CLN3: variants seen among roughly 807,000 people sequenced by gnomAD.
CLN3 encodes the protein battenin.
CLN3 carries 49 observed loss-of-function variants against 60.7 expected under a neutral mutation model. The observed-to-expected ratio is 0.81, with a 90% CI of 0.64 to 1.02. The LOEUF is 1.02. Ranked by LOEUF, CLN3 falls within the 50% of genes least tolerant of loss-of-function variation. CLN3 has a pLI of 0.00. For missense variants in CLN3, 516 were observed against 557.4 expected (o/e 0.93, Z 0.75); for synonymous variants, 256 against 245.8 (o/e 1.04, Z -0.39).
chr16:28,491,211 A>G (rs2046308118), intron 3 of CLN3: 1 of 509,638 alleles, frequency 2.0e-6, no homozygotes, highest in Admixed American at 3.6e-5. Context: ...TTTTAAAAAT[A>G]TGTGCACTAA....
downstream of CLN3, among the ~76,000 whole-genome samples, chr16:28,473,711 G>A (rs562335197): frequency 3.4e-3 from 514 of 152,312 alleles, 4 homozygotes; most frequent in African/African-American, 0.012. Context: ...TAGAATATAT[G>A]AAGAAATCTT....
In CLN3 at chr16:28,482,397, A is replaced by T; in HGVS notation, c.907-15T>A. ...AGGAGTTCAAACTGCAACAAATACCAGACAGGGGAGATGGACGGGGCTGTG... is the reference window on the plus strand; with the variant it reads ...AGGAGTTCAAACTGCAACAAATACCTGACAGGGGAGATGGACGGGGCTGTG... On this transcript the variant is annotated splice_polypyrimidine_tract_variant and intron_variant, in intron 12 of 15. Transcript: ENST00000636147. 6 of 1,614,094 alleles carry T rather than the reference A, an allele frequency of 3.7e-6. No homozygotes were observed. Among genetic ancestry groups the T allele is most frequent in the Non-Finnish European group, 4.2e-6 (5 of 1,179,992 alleles).
intron 14 of CLN3, among the ~76,000 whole-genome samples, chr16:28,478,749 G>A (rs1205769646): frequency 2.0e-5 from 3 of 151,834 alleles, no homozygotes; most frequent in African/African-American, 7.3e-5. Flanking sequence ...GGGCTGTCCT[G>A]TATATGGCAG....
downstream of CLN3, chr16:28,470,522 ACCGGGG>A: frequency 1.3e-6 from 1 of 752,510 alleles, no homozygotes; most frequent in Non-Finnish European, 1.9e-6. Context: ...GGGGACGGGG[ACCGGGG>A]CCGGATCTGA....
chr16:28,487,872 G>C (rs974711753), intron 5 of CLN3, 131 bp from the exon 6 acceptor site: 3 of 730,060 alleles, frequency 4.1e-6, no homozygotes, highest in Non-Finnish European at 7.4e-6. Flanking sequence ...AGGCACGCCT[G>C]GGTTCAAGTC....
downstream of CLN3, chr16:28,475,891 T>G (rs924664154): frequency 6.7e-6 from 1 of 148,854 alleles, no homozygotes; most frequent in Admixed American, 6.7e-5. Flanking sequence ...TCAGTTTTTT[T>G]GTTTTTTTTT....
chr16:28,473,759 A>G (rs1430375155), downstream of CLN3, among the ~76,000 whole-genome samples: 3 of 152,170 alleles, frequency 2.0e-5, no homozygotes, highest in Non-Finnish European at 2.9e-5. Context: ...GCTCTTTAAT[A>G]AAAAAAGACA....
In CLN3 at chr16:28,485,134, G is replaced by A. The variant is rs940348291; in HGVS notation, c.678-1016C>T. Among the ~76,000 whole-genome samples, 5 of 151,050 alleles carry A rather than the reference G, an allele frequency of 3.3e-5. No homozygotes were observed. The South Asian group carries it at 6.3e-4, about 19-fold the overall frequency. The stretch of plus-strand genomic sequence containing the variant: ...TAATTTTTGTATTTTTAGTAGAGAC[G>A]GGGTTTCACCATATTGGCCAGGCTG... On this transcript the variant is annotated intron_variant, in intron 9 of 15. Transcript: ENST00000636147.
chr16:28,472,475 A>C (rs1033691679), downstream of CLN3, among the ~76,000 whole-genome samples: 1 of 152,174 alleles, frequency 6.6e-6, no homozygotes, highest in East Asian at 1.9e-4. Flanking sequence ...GTATCACACC[A>C]CCTGCAAAAA....
At position 28,487,738 on chromosome 16, in the gene CLN3, C is replaced by T; in HGVS notation, c.298G>A (p.Val100Met). Residue 100 changes from valine (V) to methionine (M), a missense_variant, in exon 6 of 16, where the codon GTG becomes ATG. By Grantham distance (21) the Val-to-Met change is conservative (BLOSUM62 1). Transcript: ENST00000636147. ...GTGGGGAGGATGTCCGCCAGGAGCACAGCCTGGGACAGGAGAATAGAGTGA... is the reference window on the plus strand; with the variant it reads ...GTGGGGAGGATGTCCGCCAGGAGCATAGCCTGGGACAGGAGAATAGAGTGA... ...FDCNSVSTAA[V>M]LLADILPTLV... 6.2e-7 allele frequency: 1 copy of T among 1,612,578 alleles called. No homozygotes were observed. Among genetic ancestry groups the T allele is most frequent in the Non-Finnish European group, 8.5e-7 (1 of 1,179,172 alleles).
chr16:28,490,681 A>ACCTG (rs1448934686), intron 3 of CLN3, among the ~76,000 whole-genome samples: 3 of 146,656 alleles, frequency 2.0e-5, no homozygotes, highest in South Asian at 2.2e-4. Flanking sequence ...AATGGTGTGA[A>ACCTG]CCTGGGAGGC....
chr16:28,477,443 G>A lies in CLN3; in HGVS notation c.*73C>T, dbSNP rs1333601589. 1.3e-6 allele frequency: 2 copies of A among 1,596,010 alleles called. No individual in the cohort carries two copies. The highest frequency in any genetic ancestry group is 1.1e-5 in the South Asian group (1 of 90,338). On this transcript the variant is annotated 3_prime_UTR_variant, in exon 16 of 16. Coordinates refer to ENST00000636147, the MANE Select transcript of CLN3 (RefSeq NM_001042432.2). Reference sequence around the variant, plus strand: ...GAGCACAGTTCATGGAGGGTCTCTGGGGTGGGCCTGGGTGTCTGACCTGTC... The same window carrying A: ...GAGCACAGTTCATGGAGGGTCTCTGAGGTGGGCCTGGGTGTCTGACCTGTC...
Position 28,491,827 on chromosome 16 carries a change from G to C in CLN3, c.-68C>G. 3 of 1,583,826 alleles carry C rather than the reference G, an allele frequency of 1.9e-6. No individual in the cohort carries two copies. Among genetic ancestry groups the C allele is most frequent in the Non-Finnish European group, 1.7e-6 (2 of 1,161,898 alleles). On this transcript the variant is annotated 5_prime_UTR_variant, in exon 2 of 16. In the 5' UTR this introduces an upstream ATG that the reference lacks. Coordinates refer to ENST00000636147, the MANE Select transcript of CLN3 (RefSeq NM_001042432.2). The stretch of plus-strand genomic sequence containing the variant: ...GTCCAAAGGGGGCTCCCACGGGAGG[G>C]ATGAGGGTCTGCGACAGGTGACAAG...
chr16:28,482,600 G>A, intron 11 of CLN3, 26 bp downstream of exon 11: 2 of 1,614,146 alleles, frequency 1.2e-6, no homozygotes, highest in Non-Finnish European at 1.7e-6. Context: ...AGCCCCACAG[G>A]GACATACCCC....
intron 14 of CLN3, 65 bp from the exon 15 acceptor site, chr16:28,477,942 C>T (rs2046025208): frequency 1.9e-6 from 3 of 1,582,756 alleles, no homozygotes; most frequent in Non-Finnish European, 2.6e-6. Context: ...GGTGGCCTCC[C>T]CTCCAGGGGT....
chr16:28,483,278 G>A (rs981801300), intron 10 of CLN3, among the ~76,000 whole-genome samples: 1 of 151,424 alleles, frequency 6.6e-6, no homozygotes, highest in Non-Finnish European at 1.5e-5. Context: ...CTGCAGTGCA[G>A]TGGTGCAATC....
downstream of CLN3, among the ~76,000 whole-genome samples, chr16:28,471,907 G>A (rs2045952954): frequency 6.6e-6 from 1 of 152,182 alleles, no homozygotes; most frequent in Non-Finnish European, 1.5e-5. Flanking sequence ...GCACCTGCCT[G>A]TAGTCCCAGA....
downstream of CLN3, chr16:28,477,261 CA>C: frequency 1.8e-6 from 1 of 544,124 alleles, no homozygotes; most frequent in Non-Finnish European, 3.3e-6. Context: ...TTTTTAGAGA[CA>C]AAAACGATAT....
chr16:28,491,959 C>G (rs1366490486), intron 1 of CLN3, 61 bp downstream of exon 1: 12 of 670,008 alleles, frequency 1.8e-5, no homozygotes, highest in African/African-American at 7.1e-5. Flanking sequence ...TACGACCCAC[C>G]ACGCCCCACC....
Sources: allele counts gnomAD v4.1 joint callset (sites outside exome capture counted in the v4.1 genomes callset), GRCh38; gene constraint gnomAD v4.1.1; transcripts MANE v1.5; gene names NCBI Gene and HGNC (gene_info 2026-07-23, HGNC 2026-07-21).